Variants in MYO1H observed in about 807,000 individuals in gnomAD.
MYO1H encodes myosin IH.
In MYO1H, 118 loss-of-function variants were observed where a neutral mutation model predicts 149.3. The observed-to-expected ratio is 0.79, with a 90% CI of 0.68 to 0.92. The LOEUF is 0.92. Ranked by LOEUF, MYO1H falls within the 40% of genes least tolerant of loss-of-function variation. The probability of loss-of-function intolerance (pLI) is 0.00; values close to 1 mark genes in which losing one functional copy is unlikely to be tolerated. For missense variants in MYO1H, 1,212 were observed against 1,280.7 expected, an observed-to-expected ratio of 0.95 and a Z score of 0.82; for synonymous variants, 447 against 465.2, an observed-to-expected ratio of 0.96 and a Z score of 0.50.
chr12:109,335,672 T>C, the MYO1H span, among the ~76,000 whole-genome samples: 1 of 152,228 alleles, frequency 6.6e-6, no homozygotes, highest in African/African-American at 2.4e-5. Flanking sequence ...TGGGGGATGA[T>C]TGACATTTTT....
At chr12:109,415,246 G>A (rs1371007210) in intron 14 of MYO1H, among the ~76,000 whole-genome samples, 1 of 152,126 alleles carries the variant, frequency 6.6e-6, no homozygotes, top group Non-Finnish European at 1.5e-5. Context: ...GTAGGCTGAG[G>A]CAGGCAGATC....
In MYO1H at chr12:109,442,337, C is replaced by T. The variant is rs1872173990; in HGVS notation, c.2688+65C>T. The T allele has an allele frequency of 2.1e-6, 3 of 1,462,386 alleles. No individual in the cohort carries two copies. In the South Asian group the frequency reaches 3.4e-5, roughly 17 times the overall value. 90.6% of individuals were successfully genotyped at this position (1,462,386 alleles called of 1,614,324 possible). ...TCATCGAGTCTAAGAGCAGGGTCCC[C>T]TTTCTCCATAAAGGGCGCACTATTT... On this transcript the variant is annotated intron_variant, in intron 27 of 31. Transcript: ENST00000310903.
chr12:109,410,866 G>A (rs1228790312), intron 13 of MYO1H, 98 bp downstream of exon 13: 1 of 809,628 alleles, frequency 1.2e-6, no homozygotes. Flanking sequence ...GCCAGGCCAG[G>A]CACGGTGGCT....
At chr12:109,388,837 T>C in exon 2 of MYO1H, 3 of 1,608,892 alleles carry the variant, frequency 1.9e-6, no homozygotes, top group Non-Finnish European at 2.5e-6. Flanking sequence ...AGCGAGAACC[T>C]CATATACGTA....
intron 5 of MYO1H, 99 bp from the exon 6 acceptor site, chr12:109,400,994 C>T (rs1361655663): frequency 2.0e-6 from 2 of 988,222 alleles, no homozygotes; most frequent in Non-Finnish European, 3.0e-6. Context: ...TTGATCAGAT[C>T]AGACTTCATT....
intron 16 of MYO1H, among the ~76,000 whole-genome samples, chr12:109,424,094 T>C (rs1592810458): frequency 6.6e-6 from 1 of 152,216 alleles, no homozygotes; most frequent in Non-Finnish European, 1.5e-5. Flanking sequence ...CTTTGCACAA[T>C]AATAGCACAC....
intron 1 of MYO1H, among the ~76,000 whole-genome samples, chr12:109,378,727 G>A (rs967562952): frequency 2.0e-5 from 3 of 151,278 alleles, no homozygotes; most frequent in South Asian, 2.1e-4. Context: ...CAGGCTACTC[G>A]TAGTGGAAGG....
Position 109,406,328 on chromosome 12 carries a change from C to A in MYO1H, c.963+293C>A, listed in dbSNP as rs1592798114. The stretch of plus-strand genomic sequence containing the variant: ...TATAAGTTAGTGAGTAGGCCGGGCG[C>A]AATGGCTCATGCCTGTGATCCCAGT... On this transcript the variant is annotated intron_variant, in intron 8 of 31. Transcript: ENST00000310903. 2.6e-5 allele frequency among the ~76,000 whole-genome samples: 4 copies of A among 151,994 alleles called. No homozygotes were observed. The South Asian group carries it at 8.3e-4, about 32-fold the overall frequency.
At chr12:109,427,656 T>G in intron 19 of MYO1H, 70 bp downstream of exon 19, 1 of 1,140,644 alleles carries the variant, frequency 8.8e-7, no homozygotes, top group Admixed American at 1.7e-5. Context: ...TGGGGTTTAG[T>G]GGTAAATAAA....
the MYO1H span, among the ~76,000 whole-genome samples, chr12:109,313,749 G>A: frequency 6.6e-6 from 1 of 152,136 alleles, no homozygotes; most frequent in East Asian, 1.9e-4. Context: ...ATCCACAAAT[G>A]TGCACTGGGC....
the MYO1H span, among the ~76,000 whole-genome samples, chr12:109,313,821 T>C: frequency 5.9e-5 from 9 of 152,222 alleles, no homozygotes; most frequent in Non-Finnish European, 1.3e-4. Context: ...CTCATTTAAT[T>C]TTGTGATGGT....
intron 17 of MYO1H, 140 bp downstream of exon 17, chr12:109,424,968 T>C (rs977318253): frequency 1.5e-6 from 1 of 666,716 alleles, no homozygotes; most frequent in South Asian, 1.8e-5. Context: ...TATGCACCTG[T>C]AATCTCACAC....
intron 1 of MYO1H, among the ~76,000 whole-genome samples, chr12:109,365,484 G>A (rs962645089): frequency 6.6e-6 from 1 of 152,124 alleles, no homozygotes; most frequent in South Asian, 2.1e-4. Context: ...TCTTTCTTCT[G>A]GTACTTTTCC....
chr12:109,442,091 C>T (rs1258587227), intron 26 of MYO1H, 126 bp from the exon 27 acceptor site: 2 of 777,264 alleles, frequency 2.6e-6, no homozygotes, highest in African/African-American at 3.4e-5. Context: ...GCAGCATTTC[C>T]TGATGGCTAT....
At position 109,446,116 on chromosome 12, in the gene MYO1H, T is replaced by C. The variant is rs545606107; in HGVS notation, c.3093+504T>C. Reference sequence around the variant, plus strand: ...ATATAAAGTTGCTTTTTGGAATACATGTGTCAAAGGCTGCCCATGTTAATA... The same window carrying C: ...ATATAAAGTTGCTTTTTGGAATACACGTGTCAAAGGCTGCCCATGTTAATA... On this transcript the variant is annotated intron_variant, in intron 31 of 31. Transcript: ENST00000310903. 13 of 985,340 alleles carry C rather than the reference T, an allele frequency of 1.3e-5. No homozygotes were observed. In the Admixed American group the frequency reaches 5.5e-4, roughly 42 times the overall value. The allele number at this position is 985,340 out of a possible 1,614,324, so 61.0% of individuals were successfully genotyped here. A position where few individuals can be genotyped will look rare whatever the true frequency, so the allele number is the denominator to read the frequency against.
chr12:109,438,044 C>T (rs1168328611), intron 22 of MYO1H, among the ~76,000 whole-genome samples: 1 of 141,860 alleles, frequency 7.0e-6, no homozygotes, highest in Non-Finnish European at 1.5e-5. Flanking sequence ...ACCAAGATCA[C>T]ACCATTGCAC....
At chr12:109,388,894 T>A in intron 2 of MYO1H, 50 bp downstream of exon 2, 1 of 1,552,578 alleles carries the variant, frequency 6.4e-7, no homozygotes, top group South Asian at 1.2e-5. Context: ...TGTTCCCTTC[T>A]TGCCTTCACG....
intron 12 of MYO1H, among the ~76,000 whole-genome samples, 155 bp downstream of exon 12, chr12:109,410,223 C>T (rs948096185): frequency 4.3e-4 from 65 of 152,206 alleles, no homozygotes; most frequent in Non-Finnish European, 7.8e-4. Flanking sequence ...CTGGTTGCAA[C>T]CTCCACCTCC....
intron 12 of MYO1H, 108 bp from the exon 13 acceptor site, chr12:109,410,580 T>G: frequency 2.2e-5 from 16 of 717,406 alleles, no homozygotes; most frequent in Non-Finnish European, 3.6e-5. Context: ...TAAGGTTGAA[T>G]ATAAAAACTA....
Sources: gnomAD v4.1 joint callset for allele counts (sites outside exome capture counted in the v4.1 genomes callset) on GRCh38, gnomAD v4.1.1 for gene constraint, MANE v1.5 for transcripts, NCBI Gene and HGNC (gene_info 2026-07-23, HGNC 2026-07-21) for gene names.